RGPD1: variants seen among roughly 807,000 people sequenced by gnomAD.
RGPD1 encodes the protein RANBP2 like and GRIP domain containing 1.
A neutral mutation model predicts 40.6 loss-of-function variants in RGPD1; 7 were observed. The ratio of observed to expected loss-of-function variants is 0.17; its 90% CI spans 0.10 to 0.32. The LOEUF (loss-of-function observed/expected upper bound fraction) is 0.32, where lower values mean the gene tolerates loss of function less well. Ranked by LOEUF, RGPD1 falls within the 10% of genes least tolerant of loss-of-function variation. The pLI is 1.00. For synonymous variants in RGPD1, 24 were observed against 167.0 expected, an observed-to-expected ratio of 0.14 and a Z score of 6.60; for missense variants, 50 against 472.5, an observed-to-expected ratio of 0.11 and a Z score of 8.29.
chr2:86,944,028 C>A lies in RGPD1; in HGVS notation c.72+1720C>A, dbSNP rs371081827. On this transcript the variant is annotated intron_variant, in intron 1 of 22. Coordinates refer to ENST00000641458, the MANE Select transcript of RGPD1 (RefSeq NM_001382344.1). ...GACTCCAAAAAAAAACAAAAAAAAA[C>A]CAAAAAACGGAAACTCAACGGATGA... 2.3e-3 allele frequency among the ~76,000 whole-genome samples: 349 copies of A among 150,000 alleles called. 3 individuals carry two copies. The highest frequency in any genetic ancestry group is 3.8e-3 in the Non-Finnish European group (260 of 67,834).
chr2:86,915,152 G>A (rs1442855453), intron 1 of RGPD1, among the ~76,000 whole-genome samples: 1 of 149,962 alleles, frequency 6.7e-6, no homozygotes, highest in Non-Finnish European at 1.5e-5. Flanking sequence ...AAAAATCAGC[G>A]GGGTGTGGTG....
chr2:86,923,093 C>T (rs1452976134), intron 1 of RGPD1, among the ~76,000 whole-genome samples: 1 of 128,652 alleles, frequency 7.8e-6, no homozygotes, highest in African/African-American at 3.1e-5. Flanking sequence ...GGATGGAGTG[C>T]AGTGGCACGA....
In RGPD1 at chr2:86,942,395, G is replaced by C. The variant is rs955016547; in HGVS notation, c.72+87G>C. 3 of 1,096,840 alleles carry C rather than the reference G, an allele frequency of 2.7e-6. No individual in the cohort carries two copies. In the African/African-American group the frequency reaches 8.0e-5, roughly 29 times the overall value. The allele number at this position is 1,096,840 out of a possible 1,614,324, so 67.9% of individuals were successfully genotyped here. A position where few individuals can be genotyped will look rare whatever the true frequency, so the allele number is the denominator to read the frequency against. On this transcript the variant is annotated intron_variant, in intron 1 of 22. Transcript: ENST00000641458. ...CGGGCGGCGGCCTCGACCTGGCCGGGCGGCGGCCTCGATGGCTCAGGCGTC... is the reference window on the plus strand; with the variant it reads ...CGGGCGGCGGCCTCGACCTGGCCGGCCGGCGGCCTCGATGGCTCAGGCGTC...
upstream of RGPD1, among the ~76,000 whole-genome samples, chr2:86,938,673 CT>C (rs1268494455): frequency 6.7e-6 from 1 of 150,224 alleles, no homozygotes; most frequent in Admixed American, 6.6e-5. Flanking sequence ...CAGGACAGGC[CT>C]AGGCAAAAGT....
At chr2:86,946,027 TTTTA>T (rs1163157552) in intron 1 of RGPD1, among the ~76,000 whole-genome samples, 1 of 105,400 alleles carries the variant, frequency 9.5e-6, no homozygotes, top group Non-Finnish European at 2.0e-5. Context: ...CAGCTCTTAT[TTTTA>T]TTTATTTGTT....
intron 1 of RGPD1, among the ~76,000 whole-genome samples, chr2:86,931,944 T>C (rs1458719030): frequency 8.8e-5 from 13 of 148,306 alleles, no homozygotes; most frequent in African/African-American, 4.9e-5. Context: ...TATATATTTA[T>C]GTATTATATT....
chr2:86,925,835 G>T (rs1678451076), intron 1 of RGPD1, among the ~76,000 whole-genome samples: 1 of 152,078 alleles, frequency 6.6e-6, no homozygotes, highest in African/African-American at 2.4e-5. Flanking sequence ...CTCCCAGAGT[G>T]TTGGGATTAC....
chr2:86,942,258 G>A lies in RGPD1; in HGVS notation c.22G>A (p.Gly8Arg), dbSNP rs1298490223. Residue 8 changes from glycine (G) to arginine (R), a missense_variant, in exon 1 of 23, where the codon GGG (glycine) becomes AGG (arginine). Transcript: ENST00000641458. MRRSKAYGERYVASVQGS... is the reference protein window; with the variant it reads MRRSKAYRERYVASVQGS... ...TGCGATGAGGCGCAGCAAGGCCTAC[G>A]GGGAGCGGTACGTCGCCTCGGTGCA... The A allele has an allele frequency of 8.1e-6, 13 of 1,607,344 alleles. No individual in the cohort carries two copies. The highest frequency in any genetic ancestry group is 3.3e-5 in the South Asian group (3 of 90,092).
chr2:86,933,945 C>CG (rs770581914), intron 1 of RGPD1, among the ~76,000 whole-genome samples: 1 of 142,606 alleles, frequency 7.0e-6, no homozygotes, highest in Non-Finnish European at 1.5e-5. Context: ...TTGGTAGAGA[C>CG]GGGGTCTCAC....
At chr2:86,931,083 T>C (rs1460042081) in intron 1 of RGPD1, among the ~76,000 whole-genome samples, 2 of 111,506 alleles carry the variant, frequency 1.8e-5, no homozygotes, top group African/African-American at 3.6e-5. Context: ...AACAAGGGAG[T>C]TGATTATAAA....
intron 1 of RGPD1, among the ~76,000 whole-genome samples, chr2:86,926,987 C>A (rs1273405096): frequency 6.6e-6 from 1 of 152,108 alleles, no homozygotes; most frequent in Non-Finnish European, 1.5e-5. Context: ...TTGAATAAAA[C>A]CTTGGTACTG....
In RGPD1 at chr2:86,913,913, C is replaced by T. The variant is rs769676424; in HGVS notation, c.64C>T (p.Pro22Ser). 1.3e-5 allele frequency: 20 copies of T among 1,534,664 alleles called. 1 individual carries two copies. Among genetic ancestry groups the T allele is most frequent in the Middle Eastern group, 2.4e-4 (1 of 4,200 alleles). The change falls in exon 1 of 23, where the codon CCT becomes TCT. Residue 22 changes from proline (P) to serine (S), a missense_variant. Physicochemically the swap from Pro to Ser is moderately conservative, Grantham distance 74. Transcript: ENST00000398193. ...CTCGGTGCAGGGCTCCGCCCCGTCGCCTGGAAAGGTGAGTGGATCTCGAAG... is the reference window on the plus strand; with the variant it reads ...CTCGGTGCAGGGCTCCGCCCCGTCGTCTGGAAAGGTGAGTGGATCTCGAAG...
At chr2:86,913,899 G>C (rs755277239) in exon 1 of RGPD1, 1 of 1,564,044 alleles carries the variant, frequency 6.4e-7, no homozygotes, top group Non-Finnish European at 8.7e-7. Flanking sequence ...TCGGTGCAGG[G>C]CTCCGCCCCG....
chr2:86,918,693 T>G lies in RGPD1; in HGVS notation c.72+4772T>G, dbSNP rs535463010. 3.2e-3 allele frequency among the ~76,000 whole-genome samples: 468 copies of G among 146,400 alleles called. 33 individuals are homozygous for G. Among genetic ancestry groups the G allele is most frequent in the African/African-American group, 0.012 (444 of 38,396 alleles). On this transcript the variant is annotated intron_variant, in intron 1 of 22. Coordinates refer to the RGPD1 transcript ENST00000398193. ...CCAGGATGGTCTCGATCTCCTGACCTCGTGATCTGCCCGTCTCAGCCTCCC... is the reference window on the plus strand; with the variant it reads ...CCAGGATGGTCTCGATCTCCTGACCGCGTGATCTGCCCGTCTCAGCCTCCC...
In RGPD1 at chr2:86,945,414, G is replaced by T. The variant is rs374465681; in HGVS notation, c.72+3106G>T. Among the ~76,000 whole-genome samples, 59 of 152,294 alleles carry T rather than the reference G, an allele frequency of 3.9e-4. No individual in the cohort carries two copies. The East Asian group carries it at 9.3e-3, about 24-fold the overall frequency. The stretch of plus-strand genomic sequence containing the variant: ...AAGGTAAGGAATGGAGGGAGAAGAG[G>T]CAGTGGCTGTGAAGAATATAAAGAG... On this transcript the variant is annotated intron_variant, in intron 1 of 22. Coordinates refer to ENST00000641458, the MANE Select transcript of RGPD1 (RefSeq NM_001382344.1).
chr2:86,942,010 C>T (rs997489894), upstream of RGPD1, among the ~76,000 whole-genome samples: 42 of 151,884 alleles, frequency 2.8e-4, no homozygotes, highest in South Asian at 2.9e-3. Flanking sequence ...CGGCGCCCGG[C>T]GGGCAAGACA....
intron 1 of RGPD1, among the ~76,000 whole-genome samples, chr2:86,924,553 A>G (rs998085624): frequency 4.0e-5 from 6 of 149,732 alleles, no homozygotes; most frequent in Non-Finnish European, 9.0e-5. Context: ...GTAATCTCGA[A>G]CTCATAGGCT....
intron 4 of RGPD1, among the ~76,000 whole-genome samples, chr2:86,954,786 A>G (rs527380671): frequency 1.3e-5 from 2 of 150,394 alleles, no homozygotes; most frequent in Admixed American, 1.3e-4. Flanking sequence ...CTTTCATTTT[A>G]TCATGTGTAG....
chr2:86,938,611 A>AAAT (rs1553446687), upstream of RGPD1, among the ~76,000 whole-genome samples: 1,231 of 151,414 alleles, frequency 8.1e-3, 9 homozygotes, highest in African/African-American at 0.028. Flanking sequence ...AAAAAAAAAA[A>AAAT]AAATAAATAA....
Sources: allele counts gnomAD v4.1 joint callset (sites outside exome capture counted in the v4.1 genomes callset), GRCh38; gene constraint gnomAD v4.1.1; transcripts MANE v1.5; gene names NCBI Gene and HGNC (gene_info 2026-07-23, HGNC 2026-07-21).